Variants in GPATCH2 observed in about 807,000 individuals in gnomAD.
The protein encoded by GPATCH2 is G-patch domain containing 2.
GPATCH2 carries 51 observed loss-of-function variants against 58.0 expected under a neutral mutation model. The observed-to-expected ratio is 0.88, with a 90% CI of 0.70 to 1.11. GPATCH2 has a LOEUF of 1.11. GPATCH2 is among the 50% of genes most tolerant of loss of function. The pLI is 0.00. For missense variants in GPATCH2, 625 were observed against 652.2 expected (o/e 0.96, Z 0.45); for synonymous variants, 222 against 218.5 (o/e 1.02, Z -0.14).
At chr1:217,571,721 C>T (rs7544374) in intron 5 of GPATCH2, among the ~76,000 whole-genome samples, 4 of 114,712 alleles carry the variant, frequency 3.5e-5, no homozygotes, top group Non-Finnish European at 7.3e-5. Context: ...AAAAAAAAAA[C>T]AAAAAAGAAG....
intron 5 of GPATCH2, among the ~76,000 whole-genome samples, chr1:217,527,473 C>T (rs1325317014): frequency 7.3e-6 from 1 of 137,374 alleles, no homozygotes; most frequent in Admixed American, 7.3e-5. Flanking sequence ...CGGCCAATAA[C>T]ATCCATTTTT....
rs1571956357 is a variant in GPATCH2, at chr1:217,580,751, G to GACTTAT, written c.1098+29569_1098+29570insATAAGT. ...GCCCATTAGAAAGGCAGAATCTCCT[G>GACTTAT]TAATCCCAGCACTTTGGGAGGCCGA... On this transcript the variant is annotated intron_variant, in intron 5 of 9. Coordinates refer to ENST00000366935, the MANE Select transcript of GPATCH2 (RefSeq NM_018040.5). 5.4e-3 allele frequency among the ~76,000 whole-genome samples: 589 copies of GACTTAT among 109,906 alleles called. 53 individuals carry two copies. The highest frequency in any genetic ancestry group is 0.041 in the East Asian group (32 of 788). The allele number at this position is 109,906 out of a possible 152,430, so 72.1% of individuals were successfully genotyped here. A position where few individuals can be genotyped will look rare whatever the true frequency, so the allele number is the denominator to read the frequency against.
In GPATCH2 at chr1:217,619,992, A is replaced by T. The variant is rs192718551; in HGVS notation, c.564T>A (p.Cys188Ter). Reference sequence around the variant, plus strand: ...TATCACTGTCCATGTCCTGATCTCTACAACCCTCAGGTGGCTGGGTCATTG... The same window carrying T: ...TATCACTGTCCATGTCCTGATCTCTTCAACCCTCAGGTGGCTGGGTCATTG... ...KRTMTQPPEG[C>*]RDQDMDSDRA... The change falls in exon 2 of 10, where the codon TGT (cysteine) becomes TGA (stop). Residue 188 changes from cysteine (C) to a stop codon, truncating the protein, a stop_gained. Coordinates refer to ENST00000366935, the MANE Select transcript of GPATCH2 (RefSeq NM_018040.5). LOFTEE classifies it high-confidence loss of function. The T allele has an allele frequency of 6.2e-7, 1 of 1,613,932 alleles. No homozygotes were observed. The highest frequency in any genetic ancestry group is 8.5e-7 in the Non-Finnish European group (1 of 1,179,936).
chr1:217,502,169 G>T (rs927700785), intron 6 of GPATCH2, among the ~76,000 whole-genome samples: 2 of 151,836 alleles, frequency 1.3e-5, no homozygotes, highest in Non-Finnish European at 2.9e-5. Flanking sequence ...CTACAACTTT[G>T]TTCTTTTTAA....
intron 8 of GPATCH2, among the ~76,000 whole-genome samples, chr1:217,468,631 G>A (rs962374780): frequency 4.0e-5 from 6 of 151,752 alleles, no homozygotes; most frequent in African/African-American, 1.5e-4. Context: ...AAGGGAATCT[G>A]AGAGATTATA....
chr1:217,433,372 A>T (rs914808120), intron 9 of GPATCH2, among the ~76,000 whole-genome samples: 1 of 83,110 alleles, frequency 1.2e-5, no homozygotes, highest in Non-Finnish European at 2.3e-5. Flanking sequence ...ATATATATAT[A>T]TATATATATA....
chr1:217,621,671 T>C (rs1669193439), intron 1 of GPATCH2, among the ~76,000 whole-genome samples: 1 of 152,234 alleles, frequency 6.6e-6, no homozygotes, highest in African/African-American at 2.4e-5. Flanking sequence ...TGCTGACCCA[T>C]AGTCTATATA....
At chr1:217,550,603 C>T (rs1478835343) in intron 5 of GPATCH2, among the ~76,000 whole-genome samples, 3 of 151,856 alleles carry the variant, frequency 2.0e-5, no homozygotes, top group Admixed American at 2.0e-4. Flanking sequence ...AAAAAAAAGA[C>T]ATAGCTAATA....
chr1:217,499,271 T>G (rs1662176300), intron 6 of GPATCH2, among the ~76,000 whole-genome samples: 1 of 152,208 alleles, frequency 6.6e-6, no homozygotes, highest in Admixed American at 6.5e-5. Flanking sequence ...CAAGTACCTC[T>G]ATGTACTAAG....
intron 9 of GPATCH2, among the ~76,000 whole-genome samples, chr1:217,444,403 C>T (rs1237477084): frequency 6.6e-6 from 1 of 152,184 alleles, no homozygotes; most frequent in Non-Finnish European, 1.5e-5. Flanking sequence ...GAACATTTCC[C>T]TTTCTTTCCT....
At chr1:217,583,004 T>A (rs888756310) in intron 5 of GPATCH2, among the ~76,000 whole-genome samples, 12 of 152,202 alleles carry the variant, frequency 7.9e-5, no homozygotes, top group Non-Finnish European at 1.5e-4. Flanking sequence ...CTAAACTCCA[T>A]CTTGGATAAA....
intron 6 of GPATCH2, chr1:217,498,718 T>C: frequency 2.3e-6 from 1 of 442,074 alleles, no homozygotes; most frequent in Non-Finnish European, 4.1e-6. Flanking sequence ...TGCTATCATT[T>C]ACCACAACTT....
At position 217,620,151 on chromosome 1, in the gene GPATCH2, A is replaced by G; in HGVS notation, c.405T>C (p.Asn135=). ...KRRPSSNLNN[N]VRGKRPLWHE... is the part of the protein sequence containing the mutation. ...GCCATAGAGGTCTTTTCCCTCGAAC[A>G]TTATTATTTAAGTTTGATGACGGCC... is the stretch of plus-strand genomic sequence containing the variant. Residue 135 remains asparagine, a synonymous_variant, in exon 2 of 10, where the codon AAT becomes AAC. Coordinates refer to ENST00000366935, the MANE Select transcript of GPATCH2 (RefSeq NM_018040.5). 6.2e-7 allele frequency: 1 copy of G among 1,614,102 alleles called. No individual in the cohort carries two copies. The highest frequency in any genetic ancestry group is 8.5e-7 in the Non-Finnish European group (1 of 1,179,972).
rs139040253 is a variant in GPATCH2 at position 217,506,026 on chromosome 1, G to A, written c.1167-7631C>T. Among the ~76,000 whole-genome samples, 947 of 152,158 alleles carry A rather than the reference G, an allele frequency of 6.2e-3. 9 individuals carry two copies. The highest frequency in any genetic ancestry group is 0.021 in the African/African-American group (891 of 41,520). On this transcript the variant is annotated intron_variant, in intron 6 of 9. Coordinates refer to ENST00000366935, the MANE Select transcript of GPATCH2 (RefSeq NM_018040.5). ...TGTAGAGACAAGGTTTCACCATGTTGGCCAGGCTGGTCTCGAACTCCTGAC... is the reference window on the plus strand; with the variant it reads ...TGTAGAGACAAGGTTTCACCATGTTAGCCAGGCTGGTCTCGAACTCCTGAC...
intron 3 of GPATCH2, among the ~76,000 whole-genome samples, chr1:217,612,748 C>A (rs1668692975): frequency 6.6e-6 from 1 of 152,100 alleles, no homozygotes. Flanking sequence ...ATAGGGAAAT[C>A]AAATAGTCAT....
At chr1:217,498,234 C>A (rs1366033095) in intron 7 of GPATCH2, 122 bp downstream of exon 7, 3 of 813,342 alleles carry the variant, frequency 3.7e-6, no homozygotes, top group Non-Finnish European at 6.7e-6. Flanking sequence ...ATAATTAACA[C>A]CTTTTAAAAT....
chr1:217,465,336 T>C (rs907426257), intron 8 of GPATCH2, among the ~76,000 whole-genome samples: 1 of 151,986 alleles, frequency 6.6e-6, no homozygotes, highest in Admixed American at 6.6e-5. Context: ...CCAATATAAG[T>C]ATAATACAAA....
chr1:217,449,167 G>A, intron 9 of GPATCH2, 82 bp downstream of exon 9: 1 of 787,610 alleles, frequency 1.3e-6, no homozygotes, highest in Non-Finnish European at 2.2e-6. Flanking sequence ...CATTGCAAGT[G>A]ATTAAGAAGT....
intron 5 of GPATCH2, among the ~76,000 whole-genome samples, chr1:217,577,058 T>C (rs1272420147): frequency 6.6e-6 from 1 of 152,192 alleles, no homozygotes; most frequent in Non-Finnish European, 1.5e-5. Context: ...AATTGGATAA[T>C]GCACAAATAT....
Sources: gnomAD v4.1 joint callset for allele counts (sites outside exome capture counted in the v4.1 genomes callset) on GRCh38, gnomAD v4.1.1 for gene constraint, MANE v1.5 for transcripts, NCBI Gene and HGNC (gene_info 2026-07-23, HGNC 2026-07-21) for gene names.